The following RIPOR1 variants were observed in gnomAD, a reference collection of about 807,000 sequenced individuals.
The protein encoded by RIPOR1 is RHO family interacting cell polarization regulator 1, also known as rho family-interacting cell polarization regulator 1.
In RIPOR1, 58 loss-of-function variants were observed where a neutral mutation model predicts 116.5. The observed-to-expected ratio is 0.50, with a 90% CI of 0.40 to 0.62. RIPOR1 has a LOEUF of 0.62. Ranked by LOEUF, RIPOR1 falls within the 20% of genes least tolerant of loss-of-function variation. The probability of loss-of-function intolerance (pLI) is 0.00; values close to 1 mark genes in which losing one functional copy is unlikely to be tolerated. For missense variants in RIPOR1, 1,372 were observed against 1,586.2 expected (o/e 0.86, Z 2.29); for synonymous variants, 605 against 650.0 (o/e 0.93, Z 1.05).
At chr16:67,525,624 G>A (rs778728679), upstream of RIPOR1, among the ~76,000 whole-genome samples, 4 of 151,998 alleles carry the variant, frequency 2.6e-5, no homozygotes, top group Non-Finnish European at 5.9e-5. Context: ...GGTTCATTGC[G>A]GCTCTCACCA....
Position 67,540,084 on chromosome 16 carries a change from A to G in RIPOR1, c.446A>G (p.Gln149Arg). 3 of 1,614,188 alleles carry G rather than the reference A, an allele frequency of 1.9e-6. No homozygotes were observed. The highest frequency in any genetic ancestry group is 2.5e-6 in the Non-Finnish European group (3 of 1,180,020). The change falls in exon 7 of 22, where the codon CAG becomes CGG. Residue 149 changes from glutamine (Q) to arginine (R), a missense_variant. Gln to Arg is a conservative substitution (Grantham distance 43, BLOSUM62 1). Transcript: ENST00000042381. The surrounding 1 kb of genome is among the most constrained non-coding windows in gnomAD (Gnocchi z 4.7). The part of the protein sequence containing the change: ...IDELYEAYCV[Q>R]RRLRDGAYNM... ...GAGCTGTATGAGGCATACTGTGTCC[A>G]GCGGCGTCTCCGGGATGGTGCCTAC...
rs1386441729 is a variant in RIPOR1, at chr16:67,538,997, T to C, written c.265T>C (p.Leu89=). 1 of 1,613,660 alleles carries C rather than the reference T, an allele frequency of 6.2e-7. No homozygotes were observed. Among genetic ancestry groups the C allele is most frequent in the Non-Finnish European group, 8.5e-7 (1 of 1,179,918 alleles). Residue 89 remains leucine (L), a synonymous_variant, in exon 4 of 22, where the codon TTG becomes CTG. Coordinates refer to ENST00000042381, the MANE Select transcript of RIPOR1 (RefSeq NM_024519.4). ...TALKRGLTAY[L]EVHQQEQEKL... is the part of the protein sequence containing the mutation. ...GGTCGCCCCTTTCCTCAGGGCCTAC[T>C]TGGAAGTGCACCAGCAGGAGCAAGA...
chr16:67,540,286 C>G lies in RIPOR1; in HGVS notation c.568-14C>G. The G allele has an allele frequency of 6.2e-7, 1 of 1,613,956 alleles. No homozygotes were observed. On this transcript the variant is annotated splice_polypyrimidine_tract_variant and intron_variant, in intron 7 of 21. Coordinates refer to ENST00000042381, the MANE Select transcript of RIPOR1 (RefSeq NM_024519.4). The surrounding 1 kb of genome is among the most constrained non-coding windows in gnomAD (Gnocchi z 4.7). ...GGCCCTTGACCCCCTCCTGTCCCTG[C>G]CCCTCCCTCCCAGAGCATGTGTCTG...
rs1194021250 is a variant in RIPOR1, at chr16:67,538,514, T to A, written c.68T>A (p.Phe23Tyr). 45 of 1,611,920 alleles carry A rather than the reference T, an allele frequency of 2.8e-5. No homozygotes were observed. Among genetic ancestry groups the A allele is most frequent in the Non-Finnish European group, 3.7e-5 (44 of 1,179,412 alleles). Residue 23 changes from phenylalanine (F) to tyrosine (Y), a missense_variant, in exon 2 of 22, where the codon TTC (phenylalanine) becomes TAC (tyrosine). Physicochemically the swap from Phe to Tyr is conservative, Grantham distance 22. Transcript: ENST00000042381. The stretch of plus-strand genomic sequence containing the variant: ...GCCCGGGTCAATAGGAGCCAGTCCT[T>A]CGCAGGCGTCCTCGGCAGCCACGAG... ...LSARVNRSQS[F>Y]AGVLGSHERG...
chr16:67,533,190 GGA>G (rs1307836124), intron 1 of RIPOR1, among the ~76,000 whole-genome samples: 2 of 152,160 alleles, frequency 1.3e-5, no homozygotes, highest in African/African-American at 2.4e-5. Flanking sequence ...TTGAGACTAG[GGA>G]GAGTCAGGTG....
At chr16:67,527,141 C>T (rs1201549910), upstream of RIPOR1, among the ~76,000 whole-genome samples, 1 of 152,134 alleles carries the variant, frequency 6.6e-6, no homozygotes, top group East Asian at 1.9e-4. Context: ...GAAAAGGGCA[C>T]TGACCGGCCC....
rs769956196 is a variant in RIPOR1 at position 67,545,520 on chromosome 16, A to C, written c.3176A>C (p.Glu1059Ala). The C allele has an allele frequency of 2.5e-6, 4 of 1,614,064 alleles. No individual in the cohort carries two copies. The highest frequency in any genetic ancestry group is 3.4e-6 in the Non-Finnish European group (4 of 1,180,026). Reference sequence around the variant, plus strand: ...CCCACCATGGAGGCCTACGTGACTGAGACCGCTGAGGAGGGTGAGGCGGTG... The same window carrying C: ...CCCACCATGGAGGCCTACGTGACTGCGACCGCTGAGGAGGGTGAGGCGGTG... ...DSPTMEAYVTETAEEVLLVRN... is the reference protein window; with the variant it reads ...DSPTMEAYVTATAEEVLLVRN... Residue 1059 changes from glutamate to alanine, a missense_variant, in exon 18 of 22, where the codon GAG (glutamate) becomes GCG (alanine). Glu to Ala is a moderately radical substitution (Grantham distance 107). This residue lies in a region of RIPOR1 where 1,005 missense variants were observed against 1,144.7 expected (regional missense o/e 0.88). Transcript: ENST00000042381. The surrounding 1 kb of genome is among the most constrained non-coding windows in gnomAD (Gnocchi z 4.8).
At position 67,543,988 on chromosome 16, in the gene RIPOR1, C is replaced by G. The variant is rs1455287454; in HGVS notation, c.2601-311C>G. ...TCCTCTGCTGCTGCCCAGGCTACAG[C>G]CCCATGCCCTGCACCCTTTGCAGTC... On this transcript the variant is annotated intron_variant, in intron 14 of 21. Transcript: ENST00000042381. This position sits in a 1 kb window ranked among gnomAD's most constrained non-coding sequence, Gnocchi z 4.7. Among the ~76,000 whole-genome samples, 5 of 152,128 alleles carry G rather than the reference C, an allele frequency of 3.3e-5. No individual in the cohort carries two copies. The highest frequency in any genetic ancestry group is 2.9e-5 in the Non-Finnish European group (2 of 68,026).
rs1432348055 is a variant in RIPOR1, at chr16:67,544,123, C to T, written c.2601-176C>T. On this transcript the variant is annotated intron_variant, in intron 14 of 21. Coordinates refer to ENST00000042381, the MANE Select transcript of RIPOR1 (RefSeq NM_024519.4). This position sits in a 1 kb window ranked among gnomAD's most constrained non-coding sequence, Gnocchi z 5.1. ...CTGACTCCAGAGATCCCTACTACCACCTGCTGGTCCCAGCCCCTTCCTCCT... is the reference window on the plus strand; with the variant it reads ...CTGACTCCAGAGATCCCTACTACCATCTGCTGGTCCCAGCCCCTTCCTCCT... Among the ~76,000 whole-genome samples, 1 of 152,188 alleles carries T rather than the reference C, an allele frequency of 6.6e-6. No individual in the cohort carries two copies. The highest frequency in any genetic ancestry group is 1.5e-5 in the Non-Finnish European group (1 of 68,038).
chr16:67,538,650 C>G, intron 2 of RIPOR1, 22 bp from the exon 3 acceptor site: 1 of 1,611,494 alleles, frequency 6.2e-7, no homozygotes, highest in South Asian at 1.1e-5. Context: ...TCTCCTCTTT[C>G]TGAGGACAGC....
Position 67,542,057 on chromosome 16 carries a change from C to G in RIPOR1, c.1271C>G (p.Ser424Cys). Residue 424 changes from serine (S) to cysteine (C), a missense_variant, in exon 13 of 22, where the codon TCT becomes TGT. By Grantham distance (112) the Ser-to-Cys change is moderately radical. Around this residue, in one of 3 missense-constraint regions of RIPOR1, gnomAD observed 1,005 missense variants for 1,144.7 expected, o/e 0.88. Transcript: ENST00000042381. The surrounding 1 kb of genome is among the most constrained non-coding windows in gnomAD (Gnocchi z 4.6). ...VAFRRPETPS[S>C]GPLDEEGAVA... is the part of the protein sequence containing the mutation. ...TTCCGCAGGCCTGAGACCCCCAGCT[C>G]TGGGCCCTTGGATGAGGAGGGGGCC... 2 of 1,606,580 alleles carry G rather than the reference C, an allele frequency of 1.2e-6. No individual in the cohort carries two copies. The highest frequency in any genetic ancestry group is 1.7e-6 in the Non-Finnish European group (2 of 1,174,318).
In RIPOR1 at chr16:67,538,674, G is replaced by A. The variant is rs1209324554; in HGVS notation, c.107G>A (p.Ser36Asn). Reference protein sequence around the residue: ...VLGSHERGPRSFPVFSPPGPP... With the variant: ...VLGSHERGPRNFPVFSPPGPP... ...TCTGAGGACAGCCTCTCCTTCAGGA[G>A]TTTCCCGGTCTTCAGCCCGCCGGGG... Residue 36 changes from serine to asparagine, a missense_variant and splice_region_variant, in exon 3 of 22, where the codon AGT becomes AAT. Ser to Asn is a conservative substitution (Grantham distance 46). Transcript: ENST00000042381. The A allele has an allele frequency of 6.2e-7, 1 of 1,612,780 alleles. No homozygotes were observed. Among genetic ancestry groups the A allele is most frequent in the African/African-American group, 1.3e-5 (1 of 74,906 alleles).
intron 3 of RIPOR1, 79 bp from the exon 4 acceptor site, chr16:67,538,911 C>T: frequency 2.5e-6 from 4 of 1,608,336 alleles, no homozygotes; most frequent in Non-Finnish European, 1.7e-6. Flanking sequence ...CAGCCCCATG[C>T]CCTCTCCCTG....
chr16:67,525,684 C>T (rs1490042995), upstream of RIPOR1, among the ~76,000 whole-genome samples: 1 of 152,132 alleles, frequency 6.6e-6, no homozygotes, highest in Admixed American at 6.5e-5. Flanking sequence ...GTCCACCCCT[C>T]TGAGAATGTG....
rs2051054287 is a variant in RIPOR1 at position 67,543,296 on chromosome 16, A to C, written c.2478+32A>C. 2 of 1,605,572 alleles carry C rather than the reference A, an allele frequency of 1.2e-6. No individual in the cohort carries two copies. Among genetic ancestry groups the C allele is most frequent in the African/African-American group, 2.7e-5 (2 of 74,864 alleles). ...AGGGCTGGGCTGGGCTAGGGCAACC[A>C]GGGAGGGCAGCCAGGGGGCGGCAGC... On this transcript the variant is annotated intron_variant, in intron 13 of 21. Transcript: ENST00000042381. This position sits in a 1 kb window ranked among gnomAD's most constrained non-coding sequence, Gnocchi z 4.7.
Position 67,538,732 on chromosome 16 carries a change from G to A in RIPOR1, c.165G>A (p.Val55=), listed in dbSNP as rs757578255. The A allele has an allele frequency of 5.0e-6, 8 of 1,613,340 alleles. No individual in the cohort carries two copies. Among genetic ancestry groups the A allele is most frequent in the Non-Finnish European group, 6.8e-6 (8 of 1,179,970 alleles). Residue 55 remains valine, a synonymous_variant, in exon 3 of 22, where the codon GTG becomes GTA. Transcript: ENST00000042381. ...PPRKPPALSR[V]SRMFSVAHPA... ...GGAAGCCCCCCGCGCTCTCCCGAGT[G>A]TCCAGGATGTTTTCCGTGGCTCACC... is the stretch of plus-strand genomic sequence containing the variant.
At chr16:67,538,297 C>T (rs952773537) in intron 1 of RIPOR1, 127 bp from the exon 2 acceptor site, 3 of 1,327,876 alleles carry the variant, frequency 2.3e-6, no homozygotes, top group Admixed American at 2.7e-5. Context: ...TAGGCGGACC[C>T]GGCCGGAGCC....
chr16:67,542,903 G>A lies in RIPOR1; in HGVS notation c.2117G>A (p.Cys706Tyr). 6.2e-7 allele frequency: 1 copy of A among 1,608,652 alleles called. No individual in the cohort carries two copies. ...CTCCCAGGCACTGACTCCCTTCCCT[G>A]TAGTCCCCCAGTCTCCAATTCCTAC... is the stretch of plus-strand genomic sequence containing the variant. ...PTLPGTDSLP[C>Y]SPPVSNSYTQ... The change falls in exon 13 of 22, where the codon TGT becomes TAT. Residue 706 changes from cysteine (C) to tyrosine (Y), a missense_variant. Transcript: ENST00000042381. The surrounding 1 kb of genome is among the most constrained non-coding windows in gnomAD (Gnocchi z 4.6).
Position 67,544,616 on chromosome 16 carries a change from T to G in RIPOR1, c.2734-79T>G, listed in dbSNP as rs1567578001. 6.3e-7 allele frequency: 1 copy of G among 1,591,026 alleles called. No individual in the cohort carries two copies. Among genetic ancestry groups the G allele is most frequent in the East Asian group, 2.2e-5 (1 of 44,664 alleles). On this transcript the variant is annotated intron_variant, in intron 15 of 21. Coordinates refer to ENST00000042381, the MANE Select transcript of RIPOR1 (RefSeq NM_024519.4). This position sits in a 1 kb window ranked among gnomAD's most constrained non-coding sequence, Gnocchi z 5.1. Reference sequence around the variant, plus strand: ...TGCAACCCCAACCTCCCCCAGTGCATGCTGGGACTTGTCCCTGAGCACGAT... The same window carrying G: ...TGCAACCCCAACCTCCCCCAGTGCAGGCTGGGACTTGTCCCTGAGCACGAT...
Sources: allele counts gnomAD v4.1 joint callset (sites outside exome capture counted in the v4.1 genomes callset), GRCh38; gene constraint gnomAD v4.1.1; regional missense constraint gnomAD v4.1.1; non-coding constraint Gnocchi (gnomAD v3.1); transcripts MANE v1.5; gene names NCBI Gene and HGNC (gene_info 2026-07-23, HGNC 2026-07-21).